The following CNOT4 variants were observed in gnomAD, a reference collection of about 807,000 sequenced individuals.
CNOT4 encodes the protein CCR4-associated factor 4.
CNOT4 carries 8 observed loss-of-function variants against 73.8 expected under a neutral mutation model. That is an observed-to-expected ratio of 0.11 (90% CI 0.06 to 0.20). The LOEUF (loss-of-function observed/expected upper bound fraction) is 0.20. Among genes scored for constraint, CNOT4 ranks in the 10% least tolerant of loss-of-function variants. The pLI, the probability that CNOT4 is intolerant of heterozygous loss-of-function variation, is 1.00. For synonymous variants in CNOT4, 293 were observed against 321.1 expected, an observed-to-expected ratio of 0.91 and a Z score of 0.94; for missense variants, 564 against 883.4, an observed-to-expected ratio of 0.64 and a Z score of 4.58.
chr7:135,463,454 C>T (rs1801005078), intron 1 of CNOT4, among the ~76,000 whole-genome samples: 1 of 148,446 alleles, frequency 6.7e-6, no homozygotes, highest in Non-Finnish European at 1.5e-5. Context: ...AGGAGAATCG[C>T]TTGAACCCAG....
At chr7:135,468,651 A>G (rs1166806480) in intron 1 of CNOT4, among the ~76,000 whole-genome samples, 17 of 146,368 alleles carry the variant, frequency 1.2e-4, no homozygotes, top group Middle Eastern at 3.7e-3. Context: ...ACTGCACTCC[A>G]CTCTAGCCTG....
chr7:135,477,947 AAT>A (rs1189004413), intron 1 of CNOT4, among the ~76,000 whole-genome samples: 20 of 151,242 alleles, frequency 1.3e-4, no homozygotes, highest in East Asian at 3.9e-4. Flanking sequence ...TCTGTGTGTA[AAT>A]ATGTTTATAT....
rs1309548147 is a variant in CNOT4, at chr7:135,410,559, A to C, written c.777T>G (p.Val259=). Residue 259 remains valine (V), a synonymous_variant, in exon 7 of 12, where the codon GTT becomes GTG. Transcript: ENST00000541284. ...PNFLQLSTGS[V]DKNKNKVTPL... ...GTGTCACTTTGTTCTTATTTTTATCAACTGAACCCGTAGATAGCTGAAGAA... is the reference window on the plus strand; with the variant it reads ...GTGTCACTTTGTTCTTATTTTTATCCACTGAACCCGTAGATAGCTGAAGAA... 3.8e-6 allele frequency: 6 copies of C among 1,573,546 alleles called. No homozygotes were observed. The Admixed American group carries it at 5.4e-5, about 14-fold the overall frequency.
intron 10 of CNOT4, among the ~76,000 whole-genome samples, chr7:135,367,188 G>A (rs1006379318): frequency 7.2e-5 from 11 of 152,228 alleles, no homozygotes; most frequent in African/African-American, 1.2e-4. Context: ...GTATCCAGTT[G>A]AGAACCACTG....
chr7:135,363,750 T>G lies in CNOT4; in HGVS notation c.1840+104A>C. ...AACAAGCCACTCCACACTTGCGGCT[T>G]TGTGAAAAGCAGCTTATGTTGAAGA... is the stretch of plus-strand genomic sequence containing the variant. On this transcript the variant is annotated intron_variant, in intron 11 of 11. Transcript: ENST00000541284. This position sits in a 1 kb window ranked among gnomAD's most constrained non-coding sequence, Gnocchi z 4.3. 2.1e-6 allele frequency: 2 copies of G among 939,682 alleles called. No homozygotes were observed. The highest frequency in any genetic ancestry group is 3.2e-6 in the Non-Finnish European group (2 of 632,194). The allele number at this position is 939,682 out of a possible 1,614,324, so 58.2% of individuals were successfully genotyped here. A position where few individuals can be genotyped will look rare whatever the true frequency, so the allele number is the denominator to read the frequency against.
chr7:135,371,666 C>G (rs1309639183), intron 10 of CNOT4, among the ~76,000 whole-genome samples: 1 of 151,864 alleles, frequency 6.6e-6, no homozygotes, highest in Non-Finnish European at 1.5e-5. Flanking sequence ...TAATGAGAAC[C>G]AGAAGAATCT....
rs527603902 is a variant in CNOT4 at position 135,387,909 on chromosome 7, T to G, written c.1627+6009A>C. 1.3e-5 allele frequency: 12 copies of G among 957,598 alleles called. No homozygotes were observed. The East Asian group carries it at 1.3e-3, about 101-fold the overall frequency. 59.3% of individuals were successfully genotyped at this position (957,598 alleles called of 1,614,324 possible). ...TCTCATTCTGGTCAGGTACTTATAATATTATCTTATTATCACATTTTAATT... is the reference window on the plus strand; with the variant it reads ...TCTCATTCTGGTCAGGTACTTATAAGATTATCTTATTATCACATTTTAATT... On this transcript the variant is annotated intron_variant, in intron 10 of 11. Transcript: ENST00000541284.
Position 135,388,966 on chromosome 7 carries a change from A to G in CNOT4, c.1627+4952T>C, listed in dbSNP as rs936953448. On this transcript the variant is annotated intron_variant, in intron 10 of 11. Transcript: ENST00000541284. Reference sequence around the variant, plus strand: ...TAACAGTCCCTTTAAAAATGATTTCAATATTTGGAATACTGATACATATAT... The same window carrying G: ...TAACAGTCCCTTTAAAAATGATTTCGATATTTGGAATACTGATACATATAT... 3.6e-6 allele frequency: 5 copies of G among 1,395,378 alleles called. No homozygotes were observed. In the African/African-American group the frequency reaches 7.1e-5, roughly 20 times the overall value. 86.4% of individuals were successfully genotyped at this position (1,395,378 alleles called of 1,614,324 possible).
At chr7:135,417,845 A>G (rs893763906) in intron 3 of CNOT4, among the ~76,000 whole-genome samples, 1 of 152,206 alleles carries the variant, frequency 6.6e-6, no homozygotes, top group Admixed American at 6.6e-5. Flanking sequence ...TCTCATCCAG[A>G]AGCATTTGTA....
At chr7:135,508,361 T>C (rs1262183607) in intron 1 of CNOT4, among the ~76,000 whole-genome samples, 1 of 152,234 alleles carries the variant, frequency 6.6e-6, no homozygotes, top group Non-Finnish European at 1.5e-5. Context: ...CACCTCTTGC[T>C]TCCAGTTTTC....
chr7:135,474,104 C>T (rs1302236490), intron 1 of CNOT4, among the ~76,000 whole-genome samples: 3 of 150,738 alleles, frequency 2.0e-5, no homozygotes, highest in African/African-American at 7.3e-5. Context: ...CTCAGCCTCC[C>T]GAGTAGCTGA....
chr7:135,496,804 T>C (rs1406429694), intron 1 of CNOT4, among the ~76,000 whole-genome samples: 1 of 152,012 alleles, frequency 6.6e-6, no homozygotes, highest in Non-Finnish European at 1.5e-5. Flanking sequence ...GAGTCCACTG[T>C]TCTCTCATTT....
At chr7:135,505,684 T>C (rs1342944522) in intron 1 of CNOT4, among the ~76,000 whole-genome samples, 2 of 152,222 alleles carry the variant, frequency 1.3e-5, no homozygotes, top group Admixed American at 6.5e-5. Flanking sequence ...ATCATCTTCT[T>C]TTTAGTAGCT....
intron 1 of CNOT4, chr7:135,445,050 T>C: frequency 2.5e-6 from 2 of 788,158 alleles, no homozygotes; most frequent in South Asian, 2.8e-5. Context: ...ACAGCCTTCT[T>C]CTCTTAATCA....
intron 8 of CNOT4, among the ~76,000 whole-genome samples, chr7:135,396,626 A>C (rs1024052670): frequency 8.5e-5 from 13 of 152,168 alleles, no homozygotes; most frequent in South Asian, 6.2e-4. Flanking sequence ...TTGTTTCCAA[A>C]CACATCATTA....
chr7:135,506,814 C>T (rs1411864450), intron 1 of CNOT4, among the ~76,000 whole-genome samples: 1 of 151,184 alleles, frequency 6.6e-6, no homozygotes, highest in African/African-American at 2.4e-5. Context: ...CACCACTGCA[C>T]TCCAGCCTGA....
rs1585642868 is a variant in CNOT4 at position 135,438,056 on chromosome 7, G to A, written c.174+102C>T. The A allele has an allele frequency of 6.5e-6, 4 of 610,836 alleles. No individual in the cohort carries two copies. The Admixed American group carries it at 8.2e-5, about 12-fold the overall frequency. 37.8% of individuals were successfully genotyped at this position (610,836 alleles called of 1,614,324 possible). A position where few individuals can be genotyped will look rare whatever the true frequency, so the allele number is the denominator to read the frequency against. On this transcript the variant is annotated intron_variant, in intron 2 of 11. Coordinates refer to ENST00000541284, the MANE Select transcript of CNOT4 (RefSeq NM_001190850.2). ...ACACATAATAAAATAATATAATCAGGTGAGGTTTGCACAGTCTTTTAAATT... is the reference window on the plus strand; with the variant it reads ...ACACATAATAAAATAATATAATCAGATGAGGTTTGCACAGTCTTTTAAATT...
intron 2 of CNOT4, among the ~76,000 whole-genome samples, chr7:135,427,327 T>C (rs1370051742): frequency 1.1e-5 from 1 of 92,948 alleles, no homozygotes; most frequent in Non-Finnish European, 2.6e-5. Flanking sequence ...ATTGAAAAAC[T>C]TTTTTTTTTC....
In CNOT4 at chr7:135,394,094, G is replaced by A. The variant is rs766248010; in HGVS notation, c.1451C>T (p.Ala484Val). The A allele has an allele frequency of 7.4e-6, 12 of 1,614,020 alleles. No individual in the cohort carries two copies. The highest frequency in any genetic ancestry group is 3.3e-5 in the South Asian group (3 of 91,084). ...TGGAAAACTGAATGAATTATAAACC[G>A]CTCGGTGCTGCTGAAATTGAGGGAA... Reference protein sequence around the residue: ...QRFPQFQQHRAVYNSFSFPGQ... With the variant: ...QRFPQFQQHRVVYNSFSFPGQ... Residue 484 changes from alanine (A) to valine (V), a missense_variant, in exon 10 of 12, where the codon GCG (alanine) becomes GTG (valine). Ala to Val is a moderately conservative substitution (Grantham distance 64, BLOSUM62 0). Coordinates refer to ENST00000541284, the MANE Select transcript of CNOT4 (RefSeq NM_001190850.2).
Sources: allele counts gnomAD v4.1 joint callset (sites outside exome capture counted in the v4.1 genomes callset), GRCh38; gene constraint gnomAD v4.1.1; non-coding constraint Gnocchi (gnomAD v3.1); transcripts MANE v1.5; gene names NCBI Gene and HGNC (gene_info 2026-07-23, HGNC 2026-07-21).